Variants in ZNF222 observed in about 807,000 individuals in gnomAD.
The protein encoded by ZNF222 is zinc finger protein 222.
Under a neutral mutation model 11.6 loss-of-function variants are expected in ZNF222, and 8 were observed. The observed-to-expected ratio is 0.69, with a 90% CI of 0.41 to 1.25. The LOEUF (loss-of-function observed/expected upper bound fraction) is 1.25. Among genes scored for constraint, ZNF222 ranks in the 50% most tolerant of loss-of-function variants. The pLI is 0.01. For synonymous variants in ZNF222, 171 were observed against 195.6 expected (o/e 0.87, Z 1.05); for missense variants, 483 against 576.1 (o/e 0.84, Z 1.65).
At chr19:44,029,181 G>GTTTTTTTTTTTTTTTTTTTTTTTTTT (rs142571594) in intron 3 of ZNF222, among the ~76,000 whole-genome samples, 1 of 113,714 alleles carries the variant, frequency 8.8e-6, no homozygotes, top group South Asian at 2.8e-4. Flanking sequence ...TTGTTGGTTT[G>GTTTTTTTTTTTTTTTTTTTTTTTTTT]TTTTGTTTTG....
At chr19:44,029,181 G>GTTTGTTTTTT (rs1568503555) in intron 3 of ZNF222, among the ~76,000 whole-genome samples, 1 of 113,714 alleles carries the variant, frequency 8.8e-6, no homozygotes. Context: ...TTGTTGGTTT[G>GTTTGTTTTTT]TTTTGTTTTG....
At chr19:44,026,243 G>A (rs1976357985) in intron 1 of ZNF222, among the ~76,000 whole-genome samples, 1 of 151,116 alleles carries the variant, frequency 6.6e-6, no homozygotes, top group Admixed American at 6.6e-5. Flanking sequence ...GATCTTCACA[G>A]TGGCACTGTG....
chr19:44,029,251 T>G (rs1976451097), intron 3 of ZNF222, among the ~76,000 whole-genome samples: 1 of 149,110 alleles, frequency 6.7e-6, no homozygotes, highest in Admixed American at 6.7e-5. Flanking sequence ...TTGACTTTCT[T>G]AGGTTCTCTT....
chr19:44,025,990 A>G lies in ZNF222; in HGVS notation c.42+512A>G. 2 of 1,587,174 alleles carry G rather than the reference A, an allele frequency of 1.3e-6. No homozygotes were observed. Among genetic ancestry groups the G allele is most frequent in the Non-Finnish European group, 1.7e-6 (2 of 1,170,616 alleles). On this transcript the variant is annotated intron_variant, in intron 1 of 3. Coordinates refer to ENST00000391960, the MANE Select transcript of ZNF222 (RefSeq NM_001129996.2). This position sits in a 1 kb window ranked among gnomAD's most constrained non-coding sequence, Gnocchi z 4.6. ...TTTAACTTTTATGGGGGACGGCAAA[A>G]CGGTCAGGGTGTTTCACAGCTTTCT...
At chr19:44,026,025 G>C (rs1376561172) in intron 1 of ZNF222, 1 of 1,611,786 alleles carries the variant, frequency 6.2e-7, no homozygotes, top group Non-Finnish European at 8.5e-7. Flanking sequence ...TTTTTCCCCA[G>C]CCCGACCTTT....
chr19:44,028,739 G>T (rs1976432271), intron 3 of ZNF222, among the ~76,000 whole-genome samples: 1 of 152,202 alleles, frequency 6.6e-6, no homozygotes, highest in African/African-American at 2.4e-5. Flanking sequence ...TCTTATGAAT[G>T]AATTAATGGA....
rs1449166876 is a variant in ZNF222, at chr19:44,032,821, A to G, written c.1267A>G (p.Ser423Gly). The change falls in exon 4 of 4, where the codon AGT becomes GGT. Residue 423 changes from serine (S) to glycine (G), a missense_variant. Coordinates refer to ENST00000391960, the MANE Select transcript of ZNF222 (RefSeq NM_001129996.2). ...NCGKSFRHASSILNHKKLHCQ... is the reference protein window; with the variant it reads ...NCGKSFRHASGILNHKKLHCQ... ...CGGGAAGAGCTTTAGACATGCTTCT[A>G]GTATTTTGAATCATAAGAAACTCCA... The G allele has an allele frequency of 6.2e-7, 1 of 1,613,604 alleles. No homozygotes were observed. The highest frequency in any genetic ancestry group is 8.5e-7 in the Non-Finnish European group (1 of 1,179,874).
chr19:44,026,152 T>C (rs1442773186), intron 1 of ZNF222: 1 of 1,532,254 alleles, frequency 6.5e-7, no homozygotes, highest in Non-Finnish European at 9.0e-7. Context: ...GTGTAGGATT[T>C]GTCCCTCGGG....
Position 44,025,498 on chromosome 19 carries a change from G to A in ZNF222, c.42+20G>A. On this transcript the variant is annotated intron_variant, in intron 1 of 3. Coordinates refer to ENST00000391960, the MANE Select transcript of ZNF222 (RefSeq NM_001129996.2). The surrounding 1 kb of genome is among the most constrained non-coding windows in gnomAD (Gnocchi z 4.6). ...GCAGAGGTTTGGAGGGGCGCGGGCG[G>A]GGATTGCCGTTCCAGTCAGCTGAGC... 1.3e-6 allele frequency: 2 copies of A among 1,542,716 alleles called. No homozygotes were observed. The highest frequency in any genetic ancestry group is 1.7e-6 in the Non-Finnish European group (2 of 1,142,910).
Position 44,032,664 on chromosome 19 carries a change from C to A in ZNF222, c.1110C>A (p.Val370=), listed in dbSNP as rs752983497. The change falls in exon 4 of 4, where the codon GTC becomes GTA. Residue 370 remains valine (V), a synonymous_variant. Coordinates refer to ENST00000391960, the MANE Select transcript of ZNF222 (RefSeq NM_001129996.2). ...TCAAATGGTCCTCATATCTTTTGGTCCATCAACGAGTCCACACTGGAGAAA... is the reference window on the plus strand; with the variant it reads ...TCAAATGGTCCTCATATCTTTTGGTACATCAACGAGTCCACACTGGAGAAA... ...KSFKWSSYLL[V]HQRVHTGEKP... The A allele has an allele frequency of 6.2e-7, 1 of 1,613,078 alleles. No individual in the cohort carries two copies. Among genetic ancestry groups the A allele is most frequent in the South Asian group, 1.1e-5 (1 of 90,990 alleles).
chr19:44,029,022 A>AATT (rs1361324278), intron 3 of ZNF222, among the ~76,000 whole-genome samples: 2 of 152,242 alleles, frequency 1.3e-5, no homozygotes, highest in East Asian at 3.9e-4. Context: ...ACATGGATTC[A>AATT]ATGTATAGGA....
In ZNF222 at chr19:44,031,937, TA is replaced by T; in HGVS notation, c.385del (p.Ser129ValfsTer82). ...SDLTRSQDTT[I>X]SNSQLFEQDD... ...TTAACCAGGTCTCAAGATACCACCATAAGTAACTCTCAGTTATTTGAACAAG... is the reference window on the plus strand; with the variant it reads ...TTAACCAGGTCTCAAGATACCACCATAGTAACTCTCAGTTATTTGAACAAG... On this transcript the variant is annotated frameshift_variant, in exon 4 of 4. Transcript: ENST00000391960. LOFTEE classifies it low-confidence loss of function (END_TRUNC). 1 of 1,614,218 alleles carries T rather than the reference TA, an allele frequency of 6.2e-7. No homozygotes were observed. The highest frequency in any genetic ancestry group is 8.5e-7 in the Non-Finnish European group (1 of 1,180,030).
rs547977347 is a variant in ZNF222, at chr19:44,032,595, T to C, written c.1041T>C (p.His347=). 1.2e-6 allele frequency: 2 copies of C among 1,614,126 alleles called. No individual in the cohort carries two copies. Among genetic ancestry groups the C allele is most frequent in the South Asian group, 2.2e-5 (2 of 91,084 alleles). ...ATTTGCATAAGCATCAGATGATTCA[T>C]ATGGGACAGAAACCATATAATTGTA... ...RLDLHKHQMI[H]MGQKPYNCKE... The change falls in exon 4 of 4, where the codon CAT becomes CAC. Residue 347 remains histidine (H), a synonymous_variant. Coordinates refer to ENST00000391960, the MANE Select transcript of ZNF222 (RefSeq NM_001129996.2).
intron 3 of ZNF222, among the ~76,000 whole-genome samples, chr19:44,029,177 G>GTTTTTTTTTTTTTTT (rs1568503536): frequency 1.6e-5 from 2 of 125,916 alleles, no homozygotes; most frequent in African/African-American, 6.5e-5. Context: ...ACAGTTGTTG[G>GTTTTTTTTTTTTTTT]TTTGTTTTGT....
rs151037918 is a variant in ZNF222, at chr19:44,032,244, T to C, written c.690T>C (p.Thr230=). 7.5e-3 allele frequency: 12,086 copies of C among 1,614,158 alleles called. 52 individuals carry two copies. Among genetic ancestry groups the C allele is most frequent in the Non-Finnish European group, 9.3e-3 (10,930 of 1,180,020 alleles). The change falls in exon 4 of 4, where the codon ACT becomes ACC. Residue 230 remains threonine (T), a synonymous_variant. Coordinates refer to ENST00000391960, the MANE Select transcript of ZNF222 (RefSeq NM_001129996.2). The stretch of plus-strand genomic sequence containing the variant: ...TTAGTCAGAGCTCACGTCTGCAAAC[T>C]CATCAAAGAGTCCACACTGGAGAGA... ...KEFSQSSRLQ[T]HQRVHTGEKP...
chr19:44,032,473 T>G lies in ZNF222; in HGVS notation c.919T>G (p.Cys307Gly), dbSNP rs1976528616. 6.2e-7 allele frequency: 1 copy of G among 1,614,098 alleles called. No individual in the cohort carries two copies. Among genetic ancestry groups the G allele is most frequent in the Admixed American group, 1.7e-5 (1 of 60,012 alleles). Residue 307 changes from cysteine (C) to glycine (G), a missense_variant, in exon 4 of 4, where the codon TGT becomes GGT. Physicochemically the swap from Cys to Gly is radical, Grantham distance 159 (BLOSUM62 -3). Coordinates refer to ENST00000391960, the MANE Select transcript of ZNF222 (RefSeq NM_001129996.2). ...FKCEICGKSF[C>G]LRSSLNRHCM... ...ATGTGAAATATGTGGTAAGAGCTTC[T>G]GTCTTAGGTCAAGTCTTAATAGGCA... is the stretch of plus-strand genomic sequence containing the variant.
Position 44,032,366 on chromosome 19 carries a change from G to T in ZNF222, c.812G>T (p.Cys271Phe). 6.2e-7 allele frequency: 1 copy of T among 1,614,204 alleles called. No individual in the cohort carries two copies. The highest frequency in any genetic ancestry group is 1.1e-5 in the South Asian group (1 of 91,084). ...KLHMREKPYNCEKCGKAFMHN... is the reference protein window; with the variant it reads ...KLHMREKPYNFEKCGKAFMHN... ...CACATGAGAGAGAAACCTTATAATT[G>T]TGAGAAATGTGGGAAGGCTTTCATG... Residue 271 changes from cysteine (C) to phenylalanine (F), a missense_variant, in exon 4 of 4, where the codon TGT becomes TTT. Physicochemically the swap from Cys to Phe is radical, Grantham distance 205. Transcript: ENST00000391960.
rs924469078 is a variant in ZNF222, at chr19:44,025,692, C to T, written c.42+214C>T. ...GTCCGTTTATCTTCCATTGCTGGTT[C>T]GTTTGTTTGTTTGTTTTGTAACGGG... On this transcript the variant is annotated intron_variant, in intron 1 of 3. Transcript: ENST00000391960. The surrounding 1 kb of genome is among the most constrained non-coding windows in gnomAD (Gnocchi z 4.6). 6.6e-6 allele frequency among the ~76,000 whole-genome samples: 1 copy of T among 151,850 alleles called. No homozygotes were observed. Among genetic ancestry groups the T allele is most frequent in the Admixed American group, 6.6e-5 (1 of 15,250 alleles).
Position 44,032,666 on chromosome 19 carries a change from A to G in ZNF222, c.1112A>G (p.His371Arg), listed in dbSNP as rs1047807301. 1.2e-6 allele frequency: 2 copies of G among 1,614,106 alleles called. No individual in the cohort carries two copies. The highest frequency in any genetic ancestry group is 1.1e-5 in the South Asian group (1 of 91,094). ...SFKWSSYLLV[H>R]QRVHTGEKPY... ...AAATGGTCCTCATATCTTTTGGTCC[A>G]TCAACGAGTCCACACTGGAGAAAAG... Residue 371 changes from histidine (H) to arginine (R), a missense_variant, in exon 4 of 4, where the codon CAT becomes CGT. Physicochemically the swap from His to Arg is conservative, Grantham distance 29. Coordinates refer to ENST00000391960, the MANE Select transcript of ZNF222 (RefSeq NM_001129996.2).
Sources: allele counts gnomAD v4.1 joint callset (sites outside exome capture counted in the v4.1 genomes callset), GRCh38; gene constraint gnomAD v4.1.1; non-coding constraint Gnocchi (gnomAD v3.1); transcripts MANE v1.5; gene names NCBI Gene and HGNC (gene_info 2026-07-23, HGNC 2026-07-21).